PRKG1: variants seen among roughly 807,000 people sequenced by gnomAD.
PRKG1 encodes the protein protein kinase cGMP-dependent 1.
In PRKG1, 35 loss-of-function variants were observed where a neutral mutation model predicts 88.1. That is an observed-to-expected ratio of 0.40 (90% CI 0.30 to 0.53). The LOEUF (loss-of-function observed/expected upper bound fraction) is 0.53, where lower values mean the gene tolerates loss of function less well. Among genes scored for constraint, PRKG1 ranks in the 20% least tolerant of loss-of-function variants. PRKG1 has a pLI of 0.59. For missense variants in PRKG1, 540 were observed against 839.8 expected (o/e 0.64, Z 4.41); for synonymous variants, 303 against 292.5 (o/e 1.04, Z -0.37).
At chr10:51,940,465 G>A (rs948676985) in intron 5 of PRKG1, among the ~76,000 whole-genome samples, 13 of 151,836 alleles carry the variant, frequency 8.6e-5, no homozygotes, top group Non-Finnish European at 1.5e-4. Flanking sequence ...TATAGGGCTG[G>A]GTCAAGGCCT....
At chr10:51,013,446 A>G (rs1843017969) in intron 1 of PRKG1, among the ~76,000 whole-genome samples, 1 of 152,154 alleles carries the variant, frequency 6.6e-6, no homozygotes, top group African/African-American at 2.4e-5. Context: ...GCTGGAGTGC[A>G]GTGGTGCGAT....
chr10:51,754,216 T>G (rs2132514649), intron 3 of PRKG1, among the ~76,000 whole-genome samples: 1 of 152,302 alleles, frequency 6.6e-6, no homozygotes, highest in Non-Finnish European at 1.5e-5. Flanking sequence ...CTGACCCAAC[T>G]TAGTCCCTGT....
In PRKG1 at chr10:52,133,952, C is replaced by T. The variant is rs533069485; in HGVS notation, c.1001+47C>T. On this transcript the variant is annotated intron_variant, in intron 8 of 17. Coordinates refer to ENST00000373980, the MANE Select transcript of PRKG1 (RefSeq NM_006258.4). The stretch of plus-strand genomic sequence containing the variant: ...GTGAATTACACACTCATATCAGCAA[C>T]ACACATGAGTTCTTGGAATTAGACA... The T allele has an allele frequency of 2.8e-6, 4 of 1,433,956 alleles. No individual in the cohort carries two copies. In the South Asian group the frequency reaches 3.6e-5, roughly 13 times the overall value. The allele number at this position is 1,433,956 out of a possible 1,614,324, so 88.8% of individuals were successfully genotyped here.
At chr10:51,307,367 G>T (rs1316397065) in intron 2 of PRKG1, among the ~76,000 whole-genome samples, 2 of 152,082 alleles carry the variant, frequency 1.3e-5, no homozygotes, top group Non-Finnish European at 2.9e-5. Context: ...TAAGTAACTT[G>T]CCCAAGGTAA....
chr10:51,479,534 T>C (rs1017869980), intron 3 of PRKG1, among the ~76,000 whole-genome samples: 5 of 152,094 alleles, frequency 3.3e-5, no homozygotes, highest in African/African-American at 1.2e-4. Context: ...TTTTCACTTA[T>C]ATGATAATAT....
At chr10:52,095,003 C>G (rs954722770) in intron 7 of PRKG1, among the ~76,000 whole-genome samples, 1 of 152,160 alleles carries the variant, frequency 6.6e-6, no homozygotes, top group African/African-American at 2.4e-5. Flanking sequence ...TTCTCAAAGA[C>G]TGCTGCTTTT....
At chr10:52,100,654 A>G (rs1313678827) in intron 7 of PRKG1, among the ~76,000 whole-genome samples, 2 of 152,220 alleles carry the variant, frequency 1.3e-5, no homozygotes, top group East Asian at 1.9e-4. Flanking sequence ...TGTTGCCAAG[A>G]GACTACTCAC....
chr10:51,826,294 C>A (rs1455073220), intron 4 of PRKG1, among the ~76,000 whole-genome samples: 1 of 152,156 alleles, frequency 6.6e-6, no homozygotes, highest in Non-Finnish European at 1.5e-5. Flanking sequence ...TAGTTTCCTA[C>A]TATAAACCAA....
chr10:51,381,965 A>G (rs1030804096), intron 2 of PRKG1, among the ~76,000 whole-genome samples: 1 of 152,216 alleles, frequency 6.6e-6, no homozygotes, highest in East Asian at 1.9e-4. Flanking sequence ...GAAATAAAGC[A>G]TATGGTCAGG....
chr10:51,277,149 G>T (rs1840145246), intron 2 of PRKG1, among the ~76,000 whole-genome samples: 1 of 152,138 alleles, frequency 6.6e-6, no homozygotes, highest in South Asian at 2.1e-4. Context: ...TAAGGTGTAA[G>T]GTAGGGATCC....
At chr10:51,460,184 C>A (rs1220430007) in intron 2 of PRKG1, among the ~76,000 whole-genome samples, 1 of 151,940 alleles carries the variant, frequency 6.6e-6, no homozygotes, top group Non-Finnish European at 1.5e-5. Flanking sequence ...ACCAAATGTA[C>A]CCTTAGGGGT....
At chr10:51,798,995 C>A (rs900266069) in intron 3 of PRKG1, among the ~76,000 whole-genome samples, 31 of 152,098 alleles carry the variant, frequency 2.0e-4, no homozygotes, top group African/African-American at 7.0e-4. Context: ...TGTTTAAGAT[C>A]CTTAATATCT....
chr10:51,179,105 A>T (rs929154325), intron 2 of PRKG1, among the ~76,000 whole-genome samples: 3 of 152,218 alleles, frequency 2.0e-5, no homozygotes, highest in African/African-American at 7.2e-5. Flanking sequence ...GCGCTTAATG[A>T]TGCCAAATTT....
At chr10:51,095,027 C>T (rs1844494390) in intron 1 of PRKG1, among the ~76,000 whole-genome samples, 1 of 152,078 alleles carries the variant, frequency 6.6e-6, no homozygotes, top group African/African-American at 2.4e-5. Flanking sequence ...ACTCTTTTCC[C>T]TGCAGAGCAC....
chr10:51,164,945 G>GA (rs1343181052), intron 2 of PRKG1, among the ~76,000 whole-genome samples: 1 of 152,194 alleles, frequency 6.6e-6, no homozygotes, highest in Non-Finnish European at 1.5e-5. Context: ...AATTGACGGG[G>GA]AAAATGGAAC....
At chr10:51,502,045 T>TAA (rs1841042518) in intron 3 of PRKG1, among the ~76,000 whole-genome samples, 1 of 152,128 alleles carries the variant, frequency 6.6e-6, no homozygotes, top group Non-Finnish European at 1.5e-5. Flanking sequence ...AAAAACAATT[T>TAA]AAACCACAAA....
intron 1 of PRKG1, among the ~76,000 whole-genome samples, chr10:51,136,254 A>T (rs909804714): frequency 2.0e-5 from 3 of 152,060 alleles, no homozygotes; most frequent in Non-Finnish European, 4.4e-5. Flanking sequence ...AGTTGAGGTT[A>T]AAAGTCCTGG....
In PRKG1 at chr10:51,277,938, C is replaced by T. The variant is rs180677192; in HGVS notation, c.478+124608C>T. Among the ~76,000 whole-genome samples, 33 of 152,180 alleles carry T rather than the reference C, an allele frequency of 2.2e-4. No homozygotes were observed. In the East Asian group the frequency reaches 6.2e-3, roughly 29 times the overall value. On this transcript the variant is annotated intron_variant, in intron 2 of 17. Transcript: ENST00000373980. ...ACTTCCTCTTTTCCTAATTGAATACCCTTTCTTTCTTTCTCCTGCCTGATT... is the reference window on the plus strand; with the variant it reads ...ACTTCCTCTTTTCCTAATTGAATACTCTTTCTTTCTTTCTCCTGCCTGATT...
chr10:51,101,624 C>A (rs569282147), intron 1 of PRKG1, among the ~76,000 whole-genome samples: 1 of 152,224 alleles, frequency 6.6e-6, no homozygotes, highest in South Asian at 2.1e-4. Context: ...ACTCCTTCCC[C>A]AAACATCCAT....
Sources: gnomAD v4.1 joint callset for allele counts (sites outside exome capture counted in the v4.1 genomes callset) on GRCh38, gnomAD v4.1.1 for gene constraint, MANE v1.5 for transcripts, NCBI Gene and HGNC (gene_info 2026-07-23, HGNC 2026-07-21) for gene names.